The following SNX13 variants were observed in gnomAD, a reference collection of about 807,000 sequenced individuals.
SNX13 encodes the protein sorting nexin-13.
A neutral mutation model predicts 133.6 loss-of-function variants in SNX13; 45 were observed. That is an observed-to-expected ratio of 0.34 (90% CI 0.27 to 0.43). The LOEUF is 0.43. Among genes scored for constraint, SNX13 ranks in the 20% least tolerant of loss-of-function variants. SNX13 has a pLI of 1.00. For missense variants in SNX13, 1,032 were observed against 1,145.1 expected (o/e 0.90, Z 1.43); for synonymous variants, 414 against 373.9 (o/e 1.11, Z -1.24).
At chr7:17,890,821 T>C (rs1403906832) in intron 4 of SNX13, among the ~76,000 whole-genome samples, 3 of 151,830 alleles carry the variant, frequency 2.0e-5, no homozygotes, top group Non-Finnish European at 2.9e-5. Flanking sequence ...TAATAAATAA[T>C]ATCAATCAGT....
At position 17,793,670 on chromosome 7, in the gene SNX13, G is replaced by A. The variant is rs956951712; in HGVS notation, c.*375C>T. ...CAGTCTCCAACTGTTAAACAAATTA[G>A]CCAATTTATCTCTGAACCATTGTTT... On this transcript the variant is annotated 3_prime_UTR_variant, in exon 26 of 26. Coordinates refer to ENST00000428135, the MANE Select transcript of SNX13 (RefSeq NM_015132.5). 2 of 167,404 alleles carry A rather than the reference G, an allele frequency of 1.2e-5. No individual in the cohort carries two copies. The highest frequency in any genetic ancestry group is 4.8e-5 in the African/African-American group (2 of 41,638). The allele number at this position is 167,404 out of a possible 1,614,324, so 10.4% of individuals were successfully genotyped here.
chr7:17,798,661 G>T (rs1409711898), intron 24 of SNX13, 29 bp downstream of exon 24: 21 of 1,509,546 alleles, frequency 1.4e-5, no homozygotes, highest in Admixed American at 2.0e-5. Flanking sequence ...TGTACTACCT[G>T]AAAGAAGTGA....
chr7:17,826,137 A>G (rs1787886965), intron 16 of SNX13, 46 bp from the exon 17 acceptor site: 2 of 1,242,204 alleles, frequency 1.6e-6, no homozygotes, highest in South Asian at 1.4e-5. Context: ...TTTTATAGGG[A>G]AAAAAAAGAG....
At chr7:17,815,139 A>C (rs1305390626) in intron 19 of SNX13, among the ~76,000 whole-genome samples, 195 bp from the exon 20 acceptor site, 3 of 152,164 alleles carry the variant, frequency 2.0e-5, no homozygotes, top group Non-Finnish European at 2.9e-5. Context: ...TTTGGTATAT[A>C]TATTCTTTAT....
chr7:17,903,585 G>A (rs1798082176), intron 1 of SNX13, among the ~76,000 whole-genome samples: 1 of 152,096 alleles, frequency 6.6e-6, no homozygotes, highest in East Asian at 1.9e-4. Flanking sequence ...TGAGTTCACA[G>A]TCCAAGGTCA....
At chr7:17,798,373 T>A (rs1002520342) in intron 24 of SNX13, among the ~76,000 whole-genome samples, 1 of 151,834 alleles carries the variant, frequency 6.6e-6, no homozygotes, top group African/African-American at 2.4e-5. Context: ...TCCCCAAAAC[T>A]AGATATTTGA....
intron 25 of SNX13, chr7:17,794,493 A>C: frequency 1.7e-6 from 1 of 586,504 alleles, no homozygotes. Flanking sequence ...TTAATGCAAA[A>C]GCTACTGGGA....
At position 17,926,703 on chromosome 7, in the gene SNX13, A is replaced by G. The variant is rs548662024; in HGVS notation, c.12+13581T>C. On this transcript the variant is annotated intron_variant, in intron 1 of 25. Transcript: ENST00000428135. ...GGAGTTTGAGATCAGCCTAAGCAAC[A>G]TGGTGAAACCCCATTTCTACAAAAA... 2.6e-5 allele frequency among the ~76,000 whole-genome samples: 4 copies of G among 152,162 alleles called. No individual in the cohort carries two copies. The South Asian group carries it at 6.2e-4, about 24-fold the overall frequency.
chr7:17,920,771 C>T (rs1044165042), intron 1 of SNX13, among the ~76,000 whole-genome samples: 1 of 152,006 alleles, frequency 6.6e-6, no homozygotes, highest in African/African-American at 2.4e-5. Context: ...AAGAGTTTGC[C>T]TAGATAATAT....
intron 16 of SNX13, among the ~76,000 whole-genome samples, chr7:17,827,759 G>T (rs1788067901): frequency 6.6e-6 from 1 of 151,762 alleles, no homozygotes; most frequent in Non-Finnish European, 1.5e-5. Flanking sequence ...TACTGGGAAT[G>T]AAAATGCTTT....
chr7:17,862,882 T>C (rs979950972), intron 9 of SNX13, among the ~76,000 whole-genome samples: 3 of 152,102 alleles, frequency 2.0e-5, no homozygotes, highest in African/African-American at 4.8e-5. Flanking sequence ...ACCATAAAAT[T>C]AGGTGAGTGA....
In SNX13 at chr7:17,845,683, A is replaced by G. The variant is rs776537195; in HGVS notation, c.1077T>C (p.Thr359=). The G allele has an allele frequency of 1.9e-5, 30 of 1,594,652 alleles. No individual in the cohort carries two copies. Among genetic ancestry groups the G allele is most frequent in the Non-Finnish European group, 2.5e-5 (29 of 1,170,210 alleles). The change falls in exon 12 of 26, where the codon ACT becomes ACC. Residue 359 remains threonine, a synonymous_variant. Coordinates refer to ENST00000428135, the MANE Select transcript of SNX13 (RefSeq NM_015132.5). The part of the protein sequence containing the change: ...QRLQSGKEIN[T]VKLAANFGKL... ...TCCCAAAGTTTGCTGCAAGTTTCAC[A>G]GTATTTATTTCCTACAGGCAAAAGT...
At chr7:17,826,123 A>ACT (rs1480137763) in intron 16 of SNX13, 32 bp from the exon 17 acceptor site, 1 of 1,419,738 alleles carries the variant, frequency 7.0e-7, no homozygotes. Flanking sequence ...ACAAATTTTT[A>ACT]AAATTTTATA....
chr7:17,868,159 T>G (rs1793627712), intron 9 of SNX13: 1 of 383,194 alleles, frequency 2.6e-6, no homozygotes, highest in Non-Finnish European at 4.7e-6. Flanking sequence ...AAATATTCTA[T>G]TTTTTTAAAG....
chr7:17,934,913 C>A (rs1801850437), intron 1 of SNX13, among the ~76,000 whole-genome samples: 1 of 152,110 alleles, frequency 6.6e-6, no homozygotes, highest in Admixed American at 6.6e-5. Context: ...AAAGGGAATT[C>A]TTGTACACTG....
At chr7:17,832,781 G>T (rs1306112527) in intron 15 of SNX13, among the ~76,000 whole-genome samples, 1 of 151,316 alleles carries the variant, frequency 6.6e-6, no homozygotes, top group Non-Finnish European at 1.5e-5. Context: ...AACTTATAGA[G>T]TATTAATTTA....
intron 1 of SNX13, among the ~76,000 whole-genome samples, chr7:17,903,966 T>A (rs1358735279): frequency 6.6e-6 from 1 of 152,176 alleles, no homozygotes; most frequent in East Asian, 1.9e-4. Context: ...GCTTAGATAA[T>A]CTACCTGTGT....
chr7:17,837,173 T>C (rs1428673688), intron 13 of SNX13, among the ~76,000 whole-genome samples: 1 of 152,052 alleles, frequency 6.6e-6, no homozygotes, highest in Non-Finnish European at 1.5e-5. Flanking sequence ...TATTGCTCTG[T>C]TACCCAGGCT....
intron 5 of SNX13, among the ~76,000 whole-genome samples, chr7:17,883,531 G>A (rs1016544600): frequency 1.3e-5 from 2 of 151,922 alleles, no homozygotes; most frequent in Admixed American, 6.6e-5. Flanking sequence ...TTTTAATTAG[G>A]TTACTTGTCA....
Sources: allele counts gnomAD v4.1 joint callset (sites outside exome capture counted in the v4.1 genomes callset), GRCh38; gene constraint gnomAD v4.1.1; transcripts MANE v1.5; gene names NCBI Gene and HGNC (gene_info 2026-07-23, HGNC 2026-07-21).